Variants in MMRN1 observed in about 807,000 individuals in gnomAD.
The protein encoded by MMRN1 is multimerin-1.
A neutral mutation model predicts 100.7 loss-of-function variants in MMRN1; 94 were observed. The observed-to-expected ratio is 0.93, with a 90% confidence interval of 0.79 to 1.11. The LOEUF is 1.11. MMRN1 is among the 50% of genes least tolerant of loss of function. The pLI is 0.00. For missense variants in MMRN1, 1,606 were observed against 1,439.1 expected, an observed-to-expected ratio of 1.12 and a Z score of -1.88; for synonymous variants, 575 against 505.0, an observed-to-expected ratio of 1.14 and a Z score of -1.86.
At chr4:89,899,907 G>A (rs914045501) in intron 1 of MMRN1, among the ~76,000 whole-genome samples, 6 of 151,918 alleles carry the variant, frequency 3.9e-5, no homozygotes, top group Non-Finnish European at 7.4e-5. Flanking sequence ...CATAATCCAT[G>A]ATCCACAAAA....
chr4:89,899,752 C>G (rs1484438627), intron 1 of MMRN1, among the ~76,000 whole-genome samples: 6 of 152,032 alleles, frequency 3.9e-5, no homozygotes, highest in African/African-American at 1.4e-4. Flanking sequence ...GCATTTTTCT[C>G]TCCCTTCTGG....
In MMRN1 at chr4:89,935,697, G is replaced by A. The variant is rs528828904; in HGVS notation, c.2017G>A (p.Val673Met). 5 of 1,612,492 alleles carry A rather than the reference G, an allele frequency of 3.1e-6. No homozygotes were observed. In the East Asian group the frequency reaches 8.9e-5, roughly 29 times the overall value. Residue 673 changes from valine to methionine, a missense_variant, in exon 6 of 8, where the codon GTG becomes ATG. Coordinates refer to ENST00000264790, the MANE Select transcript of MMRN1 (RefSeq NM_007351.3). ...MTYEQPKEAI[V>M]IRKKIENLTS... ...ATATGAACAACCAAAGGAAGCAATA[G>A]TGATAAGGAAAAAGATAGAAAATCT...
intron 6 of MMRN1, among the ~76,000 whole-genome samples, chr4:89,949,524 T>G (rs943232344): frequency 3.9e-5 from 6 of 152,184 alleles, no homozygotes; most frequent in Non-Finnish European, 8.8e-5. Flanking sequence ...AGGAAAATAA[T>G]GGGCAAAGTT....
intron 5 of MMRN1, among the ~76,000 whole-genome samples, chr4:89,930,921 A>C (rs922034058): frequency 1.3e-5 from 2 of 152,098 alleles, no homozygotes; most frequent in African/African-American, 4.8e-5. Context: ...ATGTTATTTG[A>C]TACAAAAGCT....
At chr4:89,922,897 T>C (rs1178405791) in intron 3 of MMRN1, among the ~76,000 whole-genome samples, 3 of 152,106 alleles carry the variant, frequency 2.0e-5, no homozygotes, top group Non-Finnish European at 2.9e-5. Flanking sequence ...TTTACACAGC[T>C]CCTCCAAACT....
chr4:89,903,202 T>G (rs1165002238), intron 1 of MMRN1, among the ~76,000 whole-genome samples: 2 of 151,916 alleles, frequency 1.3e-5, no homozygotes, highest in Non-Finnish European at 1.5e-5. Flanking sequence ...GTGAACTACA[T>G]GCAAATTATA....
intron 1 of MMRN1, among the ~76,000 whole-genome samples, chr4:89,900,205 G>C (rs1464952245): frequency 6.6e-6 from 1 of 152,070 alleles, no homozygotes; most frequent in Non-Finnish European, 1.5e-5. Context: ...TTGATTTCAA[G>C]ACACATTCTT....
chr4:89,935,061 A>C lies in MMRN1; in HGVS notation c.1381A>C (p.Asn461His), dbSNP rs760561791. ...TTTGACTGATATAGTGGAACTAAGG[A>C]ATCACATTGTGAATGTAAGGCAAGA... ...PTLTDIVELR[N>H]HIVNVRQEMT... Residue 461 changes from asparagine (N) to histidine (H), a missense_variant, in exon 6 of 8, where the codon AAT becomes CAT. Coordinates refer to ENST00000264790, the MANE Select transcript of MMRN1 (RefSeq NM_007351.3). 8.7e-6 allele frequency: 14 copies of C among 1,613,600 alleles called. No individual in the cohort carries two copies. Among genetic ancestry groups the C allele is most frequent in the Admixed American group, 1.7e-5 (1 of 59,940 alleles).
At chr4:89,881,954 C>T (rs889941319) in intron 1 of MMRN1, among the ~76,000 whole-genome samples, 1 of 151,904 alleles carries the variant, frequency 6.6e-6, no homozygotes, top group Non-Finnish European at 1.5e-5. Context: ...TTTCCAATAT[C>T]TATACCTTAA....
chr4:89,895,083 ACTATGC>A lies in MMRN1; in HGVS notation c.115_120del (p.Met39_Pro40del), dbSNP rs1721146581. ...ACCTGAGGATGGGAACTCTCAGAAG[ACTATGC>A]CTTCTGCTTCAGTTCCTCCAAATAA... is the stretch of plus-strand genomic sequence containing the variant. On this transcript the variant is annotated inframe_deletion, in exon 1 of 8. Coordinates refer to ENST00000264790, the MANE Select transcript of MMRN1 (RefSeq NM_007351.3). 2.5e-6 allele frequency: 4 copies of A among 1,613,930 alleles called. No individual in the cohort carries two copies. The highest frequency in any genetic ancestry group is 4.5e-5 in the East Asian group (2 of 44,856).
intron 3 of MMRN1, among the ~76,000 whole-genome samples, chr4:89,916,384 A>C (rs1416914194): frequency 3.3e-5 from 5 of 150,834 alleles, no homozygotes; most frequent in Non-Finnish European, 5.9e-5. Flanking sequence ...AAACAAACAA[A>C]CAAACAATAA....
chr4:89,946,956 C>T (rs933640627), intron 6 of MMRN1, among the ~76,000 whole-genome samples: 1 of 151,896 alleles, frequency 6.6e-6, no homozygotes, highest in Non-Finnish European at 1.5e-5. Flanking sequence ...TATTGAAGCT[C>T]AAGGTAAGGG....
chr4:89,898,366 G>A (rs1721276081), intron 1 of MMRN1, among the ~76,000 whole-genome samples: 1 of 151,816 alleles, frequency 6.6e-6, no homozygotes, highest in African/African-American at 2.4e-5. Flanking sequence ...AGGTCACTTG[G>A]CTAACAAAGC....
intron 1 of MMRN1, chr4:89,902,224 C>T (rs894905865): frequency 3.3e-5 from 5 of 151,226 alleles, no homozygotes; most frequent in Non-Finnish European, 5.9e-5. Flanking sequence ...ATATCTAATG[C>T]TAGATGACAA....
chr4:89,942,071 T>C (rs1478956205), intron 6 of MMRN1, among the ~76,000 whole-genome samples: 5 of 152,070 alleles, frequency 3.3e-5, no homozygotes, highest in Admixed American at 1.3e-4. Context: ...AACCCAGACG[T>C]TTAATGATCA....
chr4:89,887,078 G>T (rs1720952915), intron 1 of MMRN1, among the ~76,000 whole-genome samples: 1 of 151,962 alleles, frequency 6.6e-6, no homozygotes, highest in Admixed American at 6.6e-5. Flanking sequence ...AAATGTTTTA[G>T]CTCCCACAAA....
intron 2 of MMRN1, among the ~76,000 whole-genome samples, chr4:89,909,979 A>T (rs778740966): frequency 6.6e-6 from 1 of 151,408 alleles, no homozygotes; most frequent in Non-Finnish European, 1.5e-5. Flanking sequence ...AAATTATCTG[A>T]ATTCATGTAG....
chr4:89,889,593 A>G (rs1721005932), intron 1 of MMRN1, among the ~76,000 whole-genome samples: 1 of 152,062 alleles, frequency 6.6e-6, no homozygotes, highest in Admixed American at 6.6e-5. Flanking sequence ...GCCTTCTAGC[A>G]TTGTTGATTG....
intron 4 of MMRN1, among the ~76,000 whole-genome samples, chr4:89,923,976 G>A (rs1722169047): frequency 6.6e-6 from 1 of 151,990 alleles, no homozygotes; most frequent in East Asian, 1.9e-4. Context: ...ATTTTTTAAG[G>A]GATTGAAATT....
Sources: gnomAD v4.1 joint callset for allele counts (sites outside exome capture counted in the v4.1 genomes callset) on GRCh38, gnomAD v4.1.1 for gene constraint, MANE v1.5 for transcripts, NCBI Gene and HGNC (gene_info 2026-07-23, HGNC 2026-07-21) for gene names.